The following COL5A2 variants were observed in gnomAD, a reference collection of about 807,000 sequenced individuals.
COL5A2 encodes the protein collagen type V alpha 2 chain.
Under a neutral mutation model 208.2 loss-of-function variants are expected in COL5A2, and 23 were observed. That is an observed-to-expected ratio of 0.11 (90% CI 0.08 to 0.16). The LOEUF (loss-of-function observed/expected upper bound fraction) is 0.16. COL5A2 is among the 10% of genes least tolerant of loss of function. The probability of loss-of-function intolerance (pLI) is 1.00; values close to 1 mark genes in which losing one functional copy is unlikely to be tolerated. For missense variants in COL5A2, 1,590 were observed against 1,956.4 expected (o/e 0.81, Z 3.53); for synonymous variants, 625 against 628.5 (o/e 0.99, Z 0.08).
At chr2:189,403,288 T>A in the COL5A2 span, among the ~76,000 whole-genome samples, 1 of 152,250 alleles carries the variant, frequency 6.6e-6, no homozygotes, top group Non-Finnish European at 1.5e-5. Context: ...CGAAATTGCT[T>A]ATCAGCTTAA....
the COL5A2 span, among the ~76,000 whole-genome samples, chr2:189,434,816 G>GA: frequency 3.9e-5 from 6 of 152,128 alleles, no homozygotes; most frequent in Non-Finnish European, 8.8e-5. Flanking sequence ...CACAGAATGA[G>GA]AAAAAACTAC....
the COL5A2 span, among the ~76,000 whole-genome samples, chr2:189,302,331 T>A: frequency 6.6e-6 from 1 of 152,162 alleles, no homozygotes; most frequent in South Asian, 2.1e-4. Flanking sequence ...TTTAGGATAA[T>A]GGCAAAACAT....
intron 1 of COL5A2, among the ~76,000 whole-genome samples, chr2:189,187,862 A>G (rs1576580201): frequency 6.6e-6 from 1 of 151,846 alleles, no homozygotes; most frequent in Middle Eastern, 3.4e-3. Context: ...CCAGCTACTC[A>G]GGAGGCCGAG....
the COL5A2 span, among the ~76,000 whole-genome samples, chr2:189,319,579 G>C: frequency 6.6e-6 from 1 of 152,258 alleles, no homozygotes; most frequent in African/African-American, 2.4e-5. Flanking sequence ...TAGCATAGCA[G>C]TCTGAGATCA....
chr2:189,063,001 T>A lies in COL5A2; in HGVS notation c.1923+9A>T. 6.2e-7 allele frequency: 1 copy of A among 1,614,114 alleles called. No individual in the cohort carries two copies. Among genetic ancestry groups the A allele is most frequent in the Non-Finnish European group, 8.5e-7 (1 of 1,179,960 alleles). On this transcript the variant is annotated intron_variant, in intron 28 of 53. Coordinates refer to ENST00000374866, the MANE Select transcript of COL5A2 (RefSeq NM_000393.5). ...CATTATTTTTCTTTAGCAGAAAATG[T>A]ATATTTACCCTCTGCCCAGGAACTC...
intron 1 of COL5A2, among the ~76,000 whole-genome samples, chr2:189,136,593 T>C (rs1687831454): frequency 1.3e-5 from 2 of 151,040 alleles, no homozygotes; most frequent in Admixed American, 1.3e-4. Context: ...CAGACAGACA[T>C]AAACACTATG....
intron 52 of COL5A2, 127 bp from the exon 53 acceptor site, chr2:189,035,282 GT>G (rs1235256152): frequency 8.0e-7 from 1 of 1,248,230 alleles, no homozygotes; most frequent in East Asian, 2.5e-5. Flanking sequence ...TTTAATTCTT[GT>G]CATAAAGTAA....
the COL5A2 span, among the ~76,000 whole-genome samples, chr2:189,387,839 C>A: frequency 6.6e-6 from 1 of 152,178 alleles, no homozygotes; most frequent in Non-Finnish European, 1.5e-5. Flanking sequence ...AGATGGGGTG[C>A]AATGGTATAA....
At chr2:189,180,003 T>G (rs1297493061), upstream of COL5A2, 1 of 413,840 alleles carries the variant, frequency 2.4e-6, no homozygotes, top group Non-Finnish European at 4.3e-6. Context: ...CTCTTTTCTT[T>G]TATTTTTTAA....
intron 1 of COL5A2, among the ~76,000 whole-genome samples, chr2:189,116,447 C>T (rs910045341): frequency 1.3e-5 from 2 of 152,190 alleles, no homozygotes; most frequent in Admixed American, 6.5e-5. Flanking sequence ...AAAAATTCCA[C>T]ATTCCTCATT....
chr2:189,376,418 A>G, the COL5A2 span, among the ~76,000 whole-genome samples: 1 of 152,202 alleles, frequency 6.6e-6, no homozygotes, highest in East Asian at 1.9e-4. Flanking sequence ...AAAAAAAAAG[A>G]TAAAAATATA....
At chr2:189,222,901 A>G (rs1308074502) in intron 1 of COL5A2, among the ~76,000 whole-genome samples, 1 of 152,200 alleles carries the variant, frequency 6.6e-6, no homozygotes, top group Non-Finnish European at 1.5e-5. Flanking sequence ...ATTGGTCCTG[A>G]AAGCTACTTC....
At chr2:189,378,086 T>C in the COL5A2 span, among the ~76,000 whole-genome samples, 1 of 152,218 alleles carries the variant, frequency 6.6e-6, no homozygotes, top group Non-Finnish European at 1.5e-5. Context: ...GGATTCTCTC[T>C]CTTCCCTAAA....
chr2:189,116,581 G>C (rs1219589098), intron 1 of COL5A2, among the ~76,000 whole-genome samples: 1 of 152,106 alleles, frequency 6.6e-6, no homozygotes, highest in African/African-American at 2.4e-5. Flanking sequence ...AAGATCTATG[G>C]GATGGTGGGA....
chr2:189,427,103 C>T, the COL5A2 span, among the ~76,000 whole-genome samples: 2 of 152,266 alleles, frequency 1.3e-5, no homozygotes, highest in Non-Finnish European at 2.9e-5. Context: ...CCTCCCATCA[C>T]AGGCCCAGAT....
the COL5A2 span, among the ~76,000 whole-genome samples, chr2:189,434,806 C>T: frequency 6.6e-6 from 1 of 152,148 alleles, no homozygotes; most frequent in African/African-American, 2.4e-5. Flanking sequence ...TGATTTTCTT[C>T]ACAGAATGAG....
intron 43 of COL5A2, 59 bp downstream of exon 43, chr2:189,050,510 T>C (rs1369071303): frequency 7.4e-7 from 1 of 1,345,490 alleles, no homozygotes; most frequent in Non-Finnish European, 1.0e-6. Context: ...TAAAATCAAT[T>C]CTCTAAACAA....
At chr2:189,436,378 G>A in the COL5A2 span, among the ~76,000 whole-genome samples, 1 of 152,102 alleles carries the variant, frequency 6.6e-6, no homozygotes, top group African/African-American at 2.4e-5. Flanking sequence ...CCTGTTGTGG[G>A]GTGGGGGGAG....
intron 6 of COL5A2, among the ~76,000 whole-genome samples, chr2:189,096,657 T>G (rs1293744846): frequency 1.3e-5 from 2 of 150,772 alleles, no homozygotes; most frequent in Admixed American, 6.6e-5. Flanking sequence ...AAGTTGTAAC[T>G]CTAACACTTG....
Sources: allele counts gnomAD v4.1 joint callset (sites outside exome capture counted in the v4.1 genomes callset), GRCh38; gene constraint gnomAD v4.1.1; transcripts MANE v1.5; gene names NCBI Gene and HGNC (gene_info 2026-07-23, HGNC 2026-07-21).